The following CFAP47 variants were observed in gnomAD, a reference collection of about 807,000 sequenced individuals.
CFAP47 encodes the protein cilia- and flagella-associated protein 47.
In CFAP47, 29 loss-of-function variants were observed where a neutral mutation model predicts 148.1. The ratio of observed to expected loss-of-function variants is 0.20; its 90% CI spans 0.15 to 0.27. The LOEUF is 0.27. Ranked by LOEUF, CFAP47 falls within the 10% of genes least tolerant of loss-of-function variation. The pLI, the probability that CFAP47 is intolerant of heterozygous loss-of-function variation, is 1.00. For missense variants in CFAP47, 1,872 were observed against 1,697.5 expected (o/e 1.10, Z -1.81); for synonymous variants, 664 against 577.3 (o/e 1.15, Z -2.15).
intron 57 of CFAP47, among the ~76,000 whole-genome samples, chrX:36,343,328 A>G (rs891950338): frequency 8.9e-6 from 1 of 112,266 alleles, no homozygotes; most frequent in Admixed American, 9.5e-5. Flanking sequence ...AATCATGTGA[A>G]AAAAAAGTTC....
chrX:35,924,378 T>C (rs780021490), intron 1 of CFAP47, among the ~76,000 whole-genome samples: 10 of 106,172 alleles, frequency 9.4e-5, no homozygotes, highest in Admixed American at 8.8e-4. Context: ...TGTGCATATA[T>C]GCACACATAT....
intron 57 of CFAP47, among the ~76,000 whole-genome samples, chrX:36,345,697 G>A (rs1392365216): frequency 2.7e-5 from 3 of 111,949 alleles, no homozygotes; most frequent in East Asian, 2.8e-4. Flanking sequence ...AATGAGAAAC[G>A]TAAAAGCATT....
chrX:36,268,353 A>G (rs4132845), intron 49 of CFAP47, among the ~76,000 whole-genome samples: 15,308 of 112,564 alleles, frequency 0.14, 789 homozygotes, highest in East Asian at 0.26. Context: ...TAAATTTGAA[A>G]CTGCCTATAC....
chrX:35,992,724 C>T (rs923888929), intron 17 of CFAP47, among the ~76,000 whole-genome samples: 2 of 111,081 alleles, frequency 1.8e-5, no homozygotes, highest in South Asian at 3.7e-4. Context: ...TAGAAGTTTT[C>T]TGAAGATCAA....
At chrX:36,065,524 G>C (rs1937629861) in intron 26 of CFAP47, 119 bp from the exon 27 acceptor site, 1 of 453,134 alleles carries the variant, frequency 2.2e-6, no homozygotes, top group East Asian at 4.0e-5. Context: ...AAAGTAAGTA[G>C]AAAGAAAAAA....
At chrX:36,352,095 A>G (rs1569324034) in intron 59 of CFAP47, among the ~76,000 whole-genome samples, 2 of 110,926 alleles carry the variant, frequency 1.8e-5, no homozygotes, top group Admixed American at 9.6e-5. Flanking sequence ...TTGGAAAAAC[A>G]CTCTACTATC....
At chrX:36,035,465 G>T (rs1457629902) in intron 23 of CFAP47, among the ~76,000 whole-genome samples, 1 of 111,156 alleles carries the variant, frequency 9.0e-6, no homozygotes, top group Non-Finnish European at 1.9e-5. Flanking sequence ...AAGATCTTTG[G>T]GTTTTGAAAA....
intron 27 of CFAP47, among the ~76,000 whole-genome samples, chrX:36,068,462 T>C (rs1179027879): frequency 1.8e-5 from 2 of 112,003 alleles, no homozygotes; most frequent in Non-Finnish European, 3.8e-5. Context: ...TAAAATGGAT[T>C]ACTTGAATCA....
intron 45 of CFAP47, among the ~76,000 whole-genome samples, chrX:36,227,738 C>T (rs898410699): frequency 6.3e-4 from 71 of 111,971 alleles, no homozygotes; most frequent in African/African-American, 2.3e-3. Context: ...CAGAATTAGG[C>T]GTCAGATGTT....
chrX:36,221,643 CA>C (rs1251332022), intron 45 of CFAP47, among the ~76,000 whole-genome samples: 1 of 110,345 alleles, frequency 9.1e-6, no homozygotes, highest in African/African-American at 3.3e-5. Flanking sequence ...GGTAAAATAT[CA>C]AAAAACCTAT....
intron 30 of CFAP47, among the ~76,000 whole-genome samples, chrX:36,098,079 T>C (rs777652976): frequency 8.9e-6 from 1 of 112,057 alleles, no homozygotes; most frequent in African/African-American, 3.2e-5. Flanking sequence ...GCTTAATCAA[T>C]TCTGCTATTA....
intron 48 of CFAP47, among the ~76,000 whole-genome samples, chrX:36,241,989 G>A (rs1187291691): frequency 9.0e-6 from 1 of 111,695 alleles, no homozygotes; most frequent in South Asian, 3.8e-4. Context: ...ATGAGAAAAA[G>A]AGTCACGTGG....
chrX:35,944,022 G>T (rs1936050360), intron 3 of CFAP47, among the ~76,000 whole-genome samples: 1 of 111,248 alleles, frequency 9.0e-6, no homozygotes, highest in Admixed American at 9.6e-5. Flanking sequence ...ATCTGCCTCA[G>T]AACTTATCAT....
intron 26 of CFAP47, among the ~76,000 whole-genome samples, chrX:36,061,619 A>T (rs1258643657): frequency 3.6e-5 from 4 of 112,579 alleles, no homozygotes; most frequent in Middle Eastern, 4.6e-3. Flanking sequence ...GTAAAGTTAC[A>T]TATGAAATAT....
chrX:36,109,896 C>A (rs1477803471), intron 33 of CFAP47, among the ~76,000 whole-genome samples: 1 of 112,145 alleles, frequency 8.9e-6, no homozygotes, highest in Non-Finnish European at 1.9e-5. Context: ...TTCTAGGCTG[C>A]ATGTATGTCT....
At chrX:35,923,918 T>G (rs1376674647) in intron 1 of CFAP47, among the ~76,000 whole-genome samples, 2 of 72,016 alleles carry the variant, frequency 2.8e-5, no homozygotes, top group Non-Finnish European at 5.1e-5. Flanking sequence ...TGTGTATATA[T>G]GTACATATAT....
chrX:36,092,422 A>G (rs1938201123), intron 30 of CFAP47, among the ~76,000 whole-genome samples: 1 of 110,891 alleles, frequency 9.0e-6, no homozygotes, highest in African/African-American at 3.3e-5. Flanking sequence ...TAATATTATA[A>G]CAGGAATAAA....
At chrX:36,304,408 G>A (rs1478100000) in intron 54 of CFAP47, among the ~76,000 whole-genome samples, 1 of 108,445 alleles carries the variant, frequency 9.2e-6, no homozygotes, top group Non-Finnish European at 1.9e-5. Flanking sequence ...AAAAAAAAAG[G>A]ATTTTCTTTT....
chrX:36,317,464 C>A (rs1941444055), intron 56 of CFAP47, among the ~76,000 whole-genome samples: 1 of 109,114 alleles, frequency 9.2e-6, no homozygotes, highest in Admixed American at 9.7e-5. Context: ...GACTGGAGTG[C>A]AGTGGTGTGA....
Sources: allele counts gnomAD v4.1 joint callset (sites outside exome capture counted in the v4.1 genomes callset), GRCh38; gene constraint gnomAD v4.1.1; transcripts MANE v1.5; gene names NCBI Gene and HGNC (gene_info 2026-07-23, HGNC 2026-07-21).